The following B3GALT1 variants were observed in gnomAD, a reference collection of about 807,000 sequenced individuals.
B3GALT1 encodes UDP-Gal:betaGlcNAc beta 1,3-galactosyltransferase, polypeptide 1.
Under a neutral mutation model 23.2 loss-of-function variants are expected in B3GALT1, and 10 were observed. The ratio of observed to expected loss-of-function variants is 0.43; its 90% CI spans 0.27 to 0.73. The LOEUF is 0.73. B3GALT1 is among the 30% of genes least tolerant of loss of function. The pLI, the probability that B3GALT1 is intolerant of heterozygous loss-of-function variation, is 0.21. For synonymous variants in B3GALT1, 156 were observed against 141.5 expected, an observed-to-expected ratio of 1.10 and a Z score of -0.73; for missense variants, 299 against 405.4, an observed-to-expected ratio of 0.74 and a Z score of 2.25.
intron 3 of B3GALT1, among the ~76,000 whole-genome samples, chr2:167,689,807 A>T (rs549352974): frequency 9.8e-4 from 149 of 152,258 alleles, no homozygotes; most frequent in Non-Finnish European, 1.8e-3. Context: ...GGGAAGAATC[A>T]ACAGGATCTG....
chr2:167,446,181 G>C (rs540060290), intron 1 of B3GALT1, among the ~76,000 whole-genome samples: 10 of 152,320 alleles, frequency 6.6e-5, no homozygotes, highest in Non-Finnish European at 1.2e-4. Flanking sequence ...TAAGAATGTT[G>C]AATATTGGCC....
intron 4 of B3GALT1, among the ~76,000 whole-genome samples, chr2:167,831,716 G>C (rs1689358986): frequency 6.6e-6 from 1 of 152,158 alleles, no homozygotes; most frequent in Non-Finnish European, 1.5e-5. Flanking sequence ...TCACTGGTTG[G>C]AGAAAACACA....
At chr2:167,577,804 T>C (rs917986009) in intron 2 of B3GALT1, among the ~76,000 whole-genome samples, 5 of 151,384 alleles carry the variant, frequency 3.3e-5, no homozygotes, top group Admixed American at 3.3e-4. Flanking sequence ...TATTACTTCA[T>C]TCAAGAACAT....
chr2:167,785,441 C>G (rs1428644722), intron 3 of B3GALT1, among the ~76,000 whole-genome samples: 1 of 152,084 alleles, frequency 6.6e-6, no homozygotes, highest in Non-Finnish European at 1.5e-5. Context: ...ACAATAGTGC[C>G]ACAGCTACTC....
rs189149279 is a variant in B3GALT1, at chr2:167,647,753, T to A, written c.-352+787T>A. 3.1e-3 allele frequency among the ~76,000 whole-genome samples: 465 copies of A among 152,190 alleles called. 2 individuals are homozygous for A. The highest frequency in any genetic ancestry group is 5.1e-3 in the Non-Finnish European group (348 of 68,004). On this transcript the variant is annotated intron_variant, in intron 3 of 4. Transcript: ENST00000392690. ...CCAGTCACTCAATTTTTTTATAGAG[T>A]TTCTGCTCTCCTTTTATTTTTCTTT... is the stretch of plus-strand genomic sequence containing the variant.
At chr2:167,566,724 A>T (rs1354809828) in intron 2 of B3GALT1, among the ~76,000 whole-genome samples, 1 of 152,118 alleles carries the variant, frequency 6.6e-6, no homozygotes, top group Non-Finnish European at 1.5e-5. Flanking sequence ...CATGTATAGA[A>T]TGGGTCTAAA....
Position 167,872,747 on chromosome 2 carries a change from A to T in B3GALT1, c.*2727A>T, listed in dbSNP as rs1690377461. 6.6e-6 allele frequency: 1 copy of T among 152,244 alleles called. No individual in the cohort carries two copies. The highest frequency in any genetic ancestry group is 1.5e-5 in the Non-Finnish European group (1 of 68,040). The allele number at this position is 152,244 out of a possible 1,614,324, so 9.4% of individuals were successfully genotyped here. ...AAAAATCAGAGAATCGTATGTCTTA[A>T]AGAACTATTTCCTTACTTTTTTATG... On this transcript the variant is annotated 3_prime_UTR_variant, in exon 5 of 5. Transcript: ENST00000392690.
intron 1 of B3GALT1, among the ~76,000 whole-genome samples, chr2:167,472,962 G>A (rs1279050511): frequency 1.3e-5 from 2 of 152,074 alleles, no homozygotes; most frequent in African/African-American, 2.4e-5. Context: ...CATTTTCCAT[G>A]TGGCACATTA....
chr2:167,403,913 G>A (rs544245273), intron 1 of B3GALT1, among the ~76,000 whole-genome samples: 6 of 152,286 alleles, frequency 3.9e-5, no homozygotes, highest in East Asian at 3.9e-4. Flanking sequence ...CTCCCAAGAA[G>A]CAAGGACAGA....
At chr2:167,531,680 C>T (rs1015118117) in intron 2 of B3GALT1, among the ~76,000 whole-genome samples, 1 of 152,082 alleles carries the variant, frequency 6.6e-6, no homozygotes, top group Non-Finnish European at 1.5e-5. Context: ...ATTTCTTTCT[C>T]CTATCTTCTA....
At chr2:167,484,837 C>T (rs1330903656) in intron 1 of B3GALT1, among the ~76,000 whole-genome samples, 1 of 152,198 alleles carries the variant, frequency 6.6e-6, no homozygotes, top group African/African-American at 2.4e-5. Flanking sequence ...CAAGAGACAA[C>T]TTTGCCGTGG....
At chr2:167,769,684 T>G (rs746130871) in intron 3 of B3GALT1, among the ~76,000 whole-genome samples, 33 of 152,194 alleles carry the variant, frequency 2.2e-4, no homozygotes, top group Non-Finnish European at 5.9e-5. Context: ...TGAGTCTGGC[T>G]TCTTTTGCCT....
At position 167,846,565 on chromosome 2, in the gene B3GALT1, A is replaced by G. The variant is rs138368267; in HGVS notation, c.-229-22246A>G. 2.4e-3 allele frequency among the ~76,000 whole-genome samples: 359 copies of G among 152,350 alleles called. 4 individuals are homozygous for G. Among genetic ancestry groups the G allele is most frequent in the African/African-American group, 8.2e-3 (342 of 41,582 alleles). ...CAAACAAATGATAGAATTCACCACT[A>G]CCAAGCCACCACTACCAGAACTGCT... On this transcript the variant is annotated intron_variant, in intron 4 of 4. Transcript: ENST00000392690.
chr2:167,728,150 G>A (rs1351919397), intron 3 of B3GALT1, among the ~76,000 whole-genome samples: 1 of 152,200 alleles, frequency 6.6e-6, no homozygotes, highest in Non-Finnish European at 1.5e-5. Context: ...ACTTTGGGAG[G>A]CCAAGGGGGA....
intron 1 of B3GALT1, among the ~76,000 whole-genome samples, chr2:167,452,652 G>C (rs574093079): frequency 6.6e-6 from 1 of 152,138 alleles, no homozygotes; most frequent in Non-Finnish European, 1.5e-5. Context: ...AAAAGTACAC[G>C]ATGTGAGTCT....
chr2:167,721,640 G>A lies in B3GALT1; in HGVS notation c.-352+74674G>A, dbSNP rs115321202. Reference sequence around the variant, plus strand: ...AAAACTGGGGAAAGCTGTGCAAAGCGCCAGGGCACAAAGCCAGTGTTTCAA... The same window carrying A: ...AAAACTGGGGAAAGCTGTGCAAAGCACCAGGGCACAAAGCCAGTGTTTCAA... On this transcript the variant is annotated intron_variant, in intron 3 of 4. Transcript: ENST00000392690. Among the ~76,000 whole-genome samples, 548 of 152,286 alleles carry A rather than the reference G, an allele frequency of 3.6e-3. 3 individuals are homozygous for A. Among genetic ancestry groups the A allele is most frequent in the African/African-American group, 0.013 (520 of 41,566 alleles).
intron 4 of B3GALT1, among the ~76,000 whole-genome samples, chr2:167,854,046 C>T (rs1004374834): frequency 6.6e-6 from 1 of 152,136 alleles, no homozygotes; most frequent in Admixed American, 6.5e-5. Flanking sequence ...GTAGCATTTT[C>T]CAGGATGAGC....
intron 3 of B3GALT1, among the ~76,000 whole-genome samples, chr2:167,755,831 C>T (rs947703347): frequency 2.6e-5 from 4 of 151,554 alleles, no homozygotes; most frequent in African/African-American, 9.7e-5. Context: ...ATAAATTAGC[C>T]AGGCATAGTG....
At chr2:167,381,794 A>C (rs561361185) in intron 1 of B3GALT1, among the ~76,000 whole-genome samples, 2 of 152,368 alleles carry the variant, frequency 1.3e-5, no homozygotes, top group South Asian at 4.1e-4. Flanking sequence ...ACTGTTGTTT[A>C]AAGGTTTAAA....
Sources: allele counts gnomAD v4.1 joint callset (sites outside exome capture counted in the v4.1 genomes callset), GRCh38; gene constraint gnomAD v4.1.1; transcripts MANE v1.5; gene names NCBI Gene and HGNC (gene_info 2026-07-23, HGNC 2026-07-21).